The following HTR2C variants were observed in gnomAD, a reference collection of about 807,000 sequenced individuals.
HTR2C encodes 5-hydroxytryptamine receptor 2C, also known as 5-hydroxytryptamine (serotonin) receptor 2C, G protein-coupled.
HTR2C carries 5 observed loss-of-function variants against 21.0 expected under a neutral mutation model. That is an observed-to-expected ratio of 0.24 (90% CI 0.12 to 0.50). The LOEUF is 0.50. Among genes scored for constraint, HTR2C ranks in the 20% least tolerant of loss-of-function variants. The pLI, the probability that HTR2C is intolerant of heterozygous loss-of-function variation, is 0.98. For missense variants in HTR2C, 271 were observed against 371.2 expected (o/e 0.73, Z 2.22); for synonymous variants, 150 against 145.3 (o/e 1.03, Z -0.23).
chrX:114,878,938 G>A lies in HTR2C; in HGVS notation c.551-27651G>A, dbSNP rs781917358. 1.4e-4 allele frequency among the ~76,000 whole-genome samples: 15 copies of A among 110,237 alleles called. No individual in the cohort carries two copies. In the South Asian group the frequency reaches 1.5e-3, roughly 11 times the overall value. On this transcript the variant is annotated intron_variant, in intron 5 of 5. Transcript: ENST00000276198. ...AGTGTTTCCTGATTAAAATGCCATC[G>A]ACACTTGAATAGAATTGTATCTTGC...
intron 4 of HTR2C, among the ~76,000 whole-genome samples, chrX:114,748,987 A>C (rs1382577889): frequency 1.8e-5 from 2 of 111,932 alleles, no homozygotes; most frequent in East Asian, 5.6e-4. Context: ...ATATTCAGTA[A>C]ACGATTTGTA....
At chrX:114,609,746 A>G (rs1368018122) in intron 1 of HTR2C, among the ~76,000 whole-genome samples, 5 of 112,452 alleles carry the variant, frequency 4.4e-5, no homozygotes, top group African/African-American at 1.6e-4. Context: ...TCAGTGAAAG[A>G]TGAAAATATC....
At chrX:114,660,944 A>G (rs1259881562) in intron 2 of HTR2C, among the ~76,000 whole-genome samples, 1 of 112,236 alleles carries the variant, frequency 8.9e-6, no homozygotes, top group Non-Finnish European at 1.9e-5. Flanking sequence ...ACACTCATGT[A>G]TTGATTGAGA....
intron 1 of HTR2C, among the ~76,000 whole-genome samples, chrX:114,593,020 A>G (rs1000347645): frequency 2.4e-4 from 27 of 112,108 alleles, no homozygotes; most frequent in African/African-American, 8.7e-4. Flanking sequence ...AGAAAGATGT[A>G]CGGTTTGATT....
At chrX:114,702,841 G>A (rs1218189686) in intron 2 of HTR2C, among the ~76,000 whole-genome samples, 1 of 106,649 alleles carries the variant, frequency 9.4e-6, no homozygotes, top group Non-Finnish European at 1.9e-5. Context: ...ACACACATAG[G>A]CTCACAATAA....
chrX:114,794,791 G>C (rs1205857405), intron 4 of HTR2C, among the ~76,000 whole-genome samples: 2 of 109,386 alleles, frequency 1.8e-5, no homozygotes, highest in Non-Finnish European at 3.8e-5. Context: ...GGACATTTAG[G>C]TTGGTTCCAA....
Position 114,602,014 on chromosome X carries a change from A to G in HTR2C, c.-146-11801A>G, listed in dbSNP as rs1183357019. ...GATGAATTGAAAAACTAAATGGAATAACAGAAGGAGAAAAACAGGTATAAA... is the reference window on the plus strand; with the variant it reads ...GATGAATTGAAAAACTAAATGGAATGACAGAAGGAGAAAAACAGGTATAAA... On this transcript the variant is annotated intron_variant, in intron 1 of 5. Coordinates refer to ENST00000276198, the MANE Select transcript of HTR2C (RefSeq NM_000868.4). Among the ~76,000 whole-genome samples, 7 of 101,964 alleles carry G rather than the reference A, an allele frequency of 6.9e-5. 1 individual carries two copies. The South Asian group carries it at 3.4e-3, about 50-fold the overall frequency. The allele number at this position is 101,964 out of a possible 115,157, so 88.5% of individuals were successfully genotyped here.
intron 2 of HTR2C, among the ~76,000 whole-genome samples, chrX:114,650,005 G>A (rs1364353612): frequency 4.5e-5 from 5 of 111,743 alleles, no homozygotes; most frequent in African/African-American, 1.3e-4. Context: ...AGTTTCATCC[G>A]TATACAGAAT....
intron 5 of HTR2C, among the ~76,000 whole-genome samples, chrX:114,905,094 G>A (rs2071362209): frequency 9.0e-6 from 1 of 110,589 alleles, no homozygotes; most frequent in African/African-American, 3.3e-5. Flanking sequence ...ACTACTTGAG[G>A]TGACTTACTG....
chrX:114,806,331 T>TACACC lies in HTR2C; in HGVS notation c.350-41671_350-41670insCACCA, dbSNP rs1556449561. On this transcript the variant is annotated intron_variant, in intron 4 of 5. Transcript: ENST00000276198. ...ATATACACTACATATATACACCATATATATACACCATATATATACACACCA... is the reference window on the plus strand; with the variant it reads ...ATATACACTACATATATACACCATATACACCATATACACCATATATATACACACCA... 1.1e-3 allele frequency among the ~76,000 whole-genome samples: 112 copies of TACACC among 99,428 alleles called. 2 individuals carry two copies. Among genetic ancestry groups the TACACC allele is most frequent in the African/African-American group, 3.8e-3 (105 of 27,664 alleles). 86.3% of individuals were successfully genotyped at this position (99,428 alleles called of 115,157 possible).
intron 4 of HTR2C, among the ~76,000 whole-genome samples, chrX:114,737,602 A>G (rs915945268): frequency 1.8e-5 from 2 of 112,132 alleles, no homozygotes; most frequent in Non-Finnish European, 3.8e-5. Context: ...GAGCATAAAT[A>G]TATCAAATAT....
chrX:114,610,086 C>T (rs1928659286), intron 1 of HTR2C, among the ~76,000 whole-genome samples: 1 of 112,053 alleles, frequency 8.9e-6, no homozygotes, highest in Non-Finnish European at 1.9e-5. Context: ...GGGTACCATT[C>T]AGTCCCTCTG....
chrX:114,711,732 C>T (rs940998412), intron 2 of HTR2C, among the ~76,000 whole-genome samples: 7 of 111,962 alleles, frequency 6.3e-5, no homozygotes, highest in African/African-American at 2.3e-4. Context: ...GAAAAAATAG[C>T]TTAACCTCTT....
intron 5 of HTR2C, among the ~76,000 whole-genome samples, chrX:114,872,208 T>A (rs1463727368): frequency 1.8e-5 from 2 of 111,127 alleles, no homozygotes; most frequent in Admixed American, 9.6e-5. Flanking sequence ...TCACACTTTA[T>A]TCTAGCTAAT....
intron 4 of HTR2C, among the ~76,000 whole-genome samples, chrX:114,741,524 T>TAAAAAAAAAAAAAAAAAAAAAAAAAAA (rs782206973): frequency 2.0e-4 from 1 of 4,898 alleles, no homozygotes; most frequent in Non-Finnish European, 5.2e-4. Context: ...CGACTCCGTC[T>TAAAAAAAAAAAAAAAAAAAAAAAAAAA]AAAAAAAAAA....
chrX:114,585,363 CT>C (rs1427712168), intron 1 of HTR2C, among the ~76,000 whole-genome samples: 1 of 111,078 alleles, frequency 9.0e-6, no homozygotes, highest in African/African-American at 3.3e-5. Flanking sequence ...TCCAGTGAAC[CT>C]TTTTTTAAAT....
At chrX:114,883,238 CATCT>C (rs1240689247) in intron 5 of HTR2C, among the ~76,000 whole-genome samples, 3 of 110,355 alleles carry the variant, frequency 2.7e-5, no homozygotes, top group Non-Finnish European at 3.8e-5. Flanking sequence ...ATAATTTAAG[CATCT>C]ATCTATCTGT....
At chrX:114,632,810 C>A (rs1384945297) in intron 2 of HTR2C, among the ~76,000 whole-genome samples, 2 of 110,239 alleles carry the variant, frequency 1.8e-5, no homozygotes, top group Non-Finnish European at 3.8e-5. Context: ...TTATTAAATT[C>A]TAATAAATAT....
chrX:114,718,972 T>C (rs1213699492), intron 2 of HTR2C, among the ~76,000 whole-genome samples: 11 of 37,496 alleles, frequency 2.9e-4, no homozygotes, highest in Non-Finnish European at 5.3e-4. Flanking sequence ...TATTAATATT[T>C]AATATATATA....
Sources: allele counts gnomAD v4.1 joint callset (sites outside exome capture counted in the v4.1 genomes callset), GRCh38; gene constraint gnomAD v4.1.1; transcripts MANE v1.5; gene names NCBI Gene and HGNC (gene_info 2026-07-23, HGNC 2026-07-21).